The following ABCF1 variants were observed in gnomAD, a reference collection of about 807,000 sequenced individuals.
The protein encoded by ABCF1 is ATP-binding cassette sub-family F member 1.
In ABCF1, 73 loss-of-function variants were observed where a neutral mutation model predicts 126.3. The observed-to-expected ratio is 0.58, with a 90% CI of 0.48 to 0.70. ABCF1 has a LOEUF of 0.70. Among genes scored for constraint, ABCF1 ranks in the 30% least tolerant of loss-of-function variants. The pLI, the probability that ABCF1 is intolerant of heterozygous loss-of-function variation, is 0.00. For missense variants in ABCF1, 786 were observed against 1,057.5 expected, an observed-to-expected ratio of 0.74 and a Z score of 3.56; for synonymous variants, 345 against 396.4, an observed-to-expected ratio of 0.87 and a Z score of 1.54.
At chr6:30,577,702 G>T in intron 2 of ABCF1, 116 bp from the exon 3 acceptor site, 1 of 1,069,892 alleles carries the variant, frequency 9.3e-7, no homozygotes, top group African/African-American at 1.6e-5. Flanking sequence ...AAAAGAGAGA[G>T]ACAGGAGGTA....
In ABCF1 at chr6:30,578,363, C is replaced by T. The variant is rs1217275864; in HGVS notation, c.359C>T (p.Pro120Leu). 2 of 1,614,076 alleles carry T rather than the reference C, an allele frequency of 1.2e-6. No homozygotes were observed. Among genetic ancestry groups the T allele is most frequent in the Non-Finnish European group, 8.5e-7 (1 of 1,180,014 alleles). ...GTCATTTCAGTACCCGCCCCAAAAC[C>T]CCGCGGAGGGAAGAAAACCAAGGTA... The part of the protein sequence containing the change: ...DEEDEVPAPK[P>L]RGGKKTKGGN... The change falls in exon 5 of 25, where the codon CCC (proline) becomes CTC (leucine). Residue 120 changes from proline to leucine, a missense_variant. By Grantham distance (98) the Pro-to-Leu change is moderately conservative. Coordinates refer to ENST00000326195, the MANE Select transcript of ABCF1 (RefSeq NM_001025091.2).
intron 6 of ABCF1, among the ~76,000 whole-genome samples, chr6:30,579,306 G>A (rs928289099): frequency 1.2e-4 from 19 of 152,016 alleles, no homozygotes; most frequent in African/African-American, 2.4e-4. Context: ...CTCATTTTTC[G>A]TCAGCAGCAC....
rs150508727 is a variant in ABCF1 at position 30,578,368 on chromosome 6, G to A, written c.364G>A (p.Gly122Arg). 27 of 1,613,896 alleles carry A rather than the reference G, an allele frequency of 1.7e-5. No homozygotes were observed. Among genetic ancestry groups the A allele is most frequent in the Non-Finnish European group, 2.0e-5 (24 of 1,180,024 alleles). Reference sequence around the variant, plus strand: ...TTCAGTACCCGCCCCAAAACCCCGCGGAGGGAAGAAAACCAAGGTAAGCCA... The same window carrying A: ...TTCAGTACCCGCCCCAAAACCCCGCAGAGGGAAGAAAACCAAGGTAAGCCA... Reference protein sequence around the residue: ...EDEVPAPKPRGGKKTKGGNVF... With the variant: ...EDEVPAPKPRRGKKTKGGNVF... The change falls in exon 5 of 25, where the codon GGA (glycine) becomes AGA (arginine). Residue 122 changes from glycine to arginine, a missense_variant. By Grantham distance (125) the Gly-to-Arg change is moderately radical. Around this residue, in one of 4 missense-constraint regions of ABCF1, gnomAD observed 322 missense variants for 322.9 expected, o/e 1.00. Coordinates refer to ENST00000326195, the MANE Select transcript of ABCF1 (RefSeq NM_001025091.2).
rs1561805603 is a variant in ABCF1, at chr6:30,590,784, C to T, written c.*83C>T. On this transcript the variant is annotated 3_prime_UTR_variant, in exon 25 of 25. Coordinates refer to ENST00000326195, the MANE Select transcript of ABCF1 (RefSeq NM_001025091.2). Reference sequence around the variant, plus strand: ...TGGTCTCCCCTCCTCTGAAGACTGCCTCTGGCCTGCAGCTGACCTGGCAAC... The same window carrying T: ...TGGTCTCCCCTCCTCTGAAGACTGCTTCTGGCCTGCAGCTGACCTGGCAAC... 15 of 1,460,704 alleles carry T rather than the reference C, an allele frequency of 1.0e-5. No individual in the cohort carries two copies. The South Asian group carries it at 2.1e-4, about 20-fold the overall frequency. 90.5% of individuals were successfully genotyped at this position (1,460,704 alleles called of 1,614,324 possible). A position where few individuals can be genotyped will look rare whatever the true frequency, so the allele number is the denominator to read the frequency against.
At chr6:30,585,392 C>A (rs757178912) in intron 15 of ABCF1, 49 bp downstream of exon 15, 70 of 1,595,128 alleles carry the variant, frequency 4.4e-5, no homozygotes, top group Non-Finnish European at 5.3e-5. Context: ...ACTTTCTTCC[C>A]CTTCCCTCCC....
chr6:30,589,655 CCCT>C, intron 20 of ABCF1, 30 bp from the exon 21 acceptor site: 1 of 1,612,390 alleles, frequency 6.2e-7, no homozygotes, highest in Non-Finnish European at 8.5e-7. Flanking sequence ...TTTTCCCTTG[CCCT>C]CCTCTTAACT....
At chr6:30,590,486 C>G (rs761458033) in intron 24 of ABCF1, 49 bp from the exon 25 acceptor site, 3 of 1,586,044 alleles carry the variant, frequency 1.9e-6, no homozygotes, top group South Asian at 1.2e-5. Flanking sequence ...TCTGATTCCC[C>G]TCTTTCTCCT....
chr6:30,579,245 G>A (rs1801675809), intron 6 of ABCF1, among the ~76,000 whole-genome samples: 1 of 151,994 alleles, frequency 6.6e-6, no homozygotes, highest in African/African-American at 2.4e-5. Context: ...ACGTTCCCTA[G>A]TTATCTCTTC....
intron 2 of ABCF1, 113 bp from the exon 3 acceptor site, chr6:30,577,705 A>G: frequency 9.4e-7 from 1 of 1,065,348 alleles, no homozygotes; most frequent in African/African-American, 1.6e-5. Context: ...AGAGAGAGAC[A>G]GGAGGTAAGG....
intron 8 of ABCF1, 64 bp downstream of exon 8, chr6:30,580,583 G>C (rs1347869071): frequency 9.8e-7 from 1 of 1,016,022 alleles, no homozygotes; most frequent in East Asian, 3.2e-5. Context: ...CCTTATGGGA[G>C]AGTTAGAATC....
At chr6:30,588,154 G>A (rs1424786107) in intron 20 of ABCF1, among the ~76,000 whole-genome samples, 1 of 152,142 alleles carries the variant, frequency 6.6e-6, no homozygotes. Flanking sequence ...GCCCGCCTCA[G>A]CCTCCCAAAG....
At position 30,590,226 on chromosome 6, in the gene ABCF1, G is replaced by C; in HGVS notation, c.2298+13G>C. ...TGTCCTCATCTTGGTGAGTGAGCTGGGCTGTGGGAAAAGGGATAAGGGTAA... is the reference window on the plus strand; with the variant it reads ...TGTCCTCATCTTGGTGAGTGAGCTGCGCTGTGGGAAAAGGGATAAGGGTAA... On this transcript the variant is annotated intron_variant, in intron 23 of 24. Coordinates refer to ENST00000326195, the MANE Select transcript of ABCF1 (RefSeq NM_001025091.2). 1 of 1,613,076 alleles carries C rather than the reference G, an allele frequency of 6.2e-7. No individual in the cohort carries two copies.
At chr6:30,572,333 C>T (rs1284745477) in intron 1 of ABCF1, among the ~76,000 whole-genome samples, 2 of 152,136 alleles carry the variant, frequency 1.3e-5, no homozygotes, top group African/African-American at 2.4e-5. Context: ...ATAAGACTTT[C>T]CCTCAAGGGA....
Position 30,590,882 on chromosome 6 carries a change from G to A in ABCF1, c.*181G>A. On this transcript the variant is annotated 3_prime_UTR_variant, in exon 25 of 25. Coordinates refer to ENST00000326195, the MANE Select transcript of ABCF1 (RefSeq NM_001025091.2). ...CCACTCTGATTGCATCCATTTCTCT[G>A]AAAGACTTGTTTGTTCTGCTTCTCT... is the stretch of plus-strand genomic sequence containing the variant. 1 of 605,608 alleles carries A rather than the reference G, an allele frequency of 1.7e-6. No homozygotes were observed. Among genetic ancestry groups the A allele is most frequent in the Non-Finnish European group, 2.8e-6 (1 of 362,622 alleles). 37.5% of individuals were successfully genotyped at this position (605,608 alleles called of 1,614,324 possible).
Position 30,583,494 on chromosome 6 carries a change from G to A in ABCF1, c.916-114G>A. ...GGAGAGGAAGGGGATTATGCTGGAG[G>A]TAGCGGTTTGTCAGAGGCTTCCCTG... On this transcript the variant is annotated intron_variant, in intron 10 of 24. Transcript: ENST00000326195. The surrounding 1 kb of genome is among the most constrained non-coding windows in gnomAD (Gnocchi z 4.1). 1 of 1,114,998 alleles carries A rather than the reference G, an allele frequency of 9.0e-7. No individual in the cohort carries two copies. The highest frequency in any genetic ancestry group is 1.3e-6 in the Non-Finnish European group (1 of 747,052). The allele number at this position is 1,114,998 out of a possible 1,614,324, so 69.1% of individuals were successfully genotyped here.
chr6:30,581,614 A>C (rs1450563875), intron 8 of ABCF1, among the ~76,000 whole-genome samples: 1 of 152,014 alleles, frequency 6.6e-6, no homozygotes, highest in Non-Finnish European at 1.5e-5. Context: ...CATGTTAGCC[A>C]GGATGGTCTT....
rs1282232614 is a variant in ABCF1, at chr6:30,585,870, C to A, written c.1601-9C>A. ...AACCACTGATGCCTGGTCCCCTCTT[C>A]TGCCCCAGTGACCTTCAAAAAGATG... On this transcript the variant is annotated splice_polypyrimidine_tract_variant and intron_variant, in intron 16 of 24. Transcript: ENST00000326195. 6.3e-7 allele frequency: 1 copy of A among 1,595,972 alleles called. No individual in the cohort carries two copies. Among genetic ancestry groups the A allele is most frequent in the East Asian group, 2.2e-5 (1 of 44,486 alleles).
At chr6:30,571,656 G>A in intron 1 of ABCF1, 96 bp downstream of exon 1, 1 of 1,365,646 alleles carries the variant, frequency 7.3e-7, no homozygotes, top group Non-Finnish European at 1.0e-6. Context: ...AGACTGACCG[G>A]GCCCCTGCGG....
chr6:30,585,508 C>G, intron 15 of ABCF1, 50 bp from the exon 16 acceptor site: 1 of 1,611,336 alleles, frequency 6.2e-7, no homozygotes. Flanking sequence ...CCTCTGAATT[C>G]TCTCTCACTT....
Sources: gnomAD v4.1 joint callset for allele counts (sites outside exome capture counted in the v4.1 genomes callset) on GRCh38, gnomAD v4.1.1 for gene constraint, gnomAD v4.1.1 regional missense constraint, Gnocchi (gnomAD v3.1) non-coding constraint, MANE v1.5 for transcripts, NCBI Gene and HGNC (gene_info 2026-07-23, HGNC 2026-07-21) for gene names.